OXR1: variants seen among roughly 807,000 people sequenced by gnomAD.
OXR1 encodes oxidation resistance protein 1.
A neutral mutation model predicts 104.6 loss-of-function variants in OXR1; 41 were observed. The ratio of observed to expected loss-of-function variants is 0.39; its 90% confidence interval spans 0.31 to 0.51. The LOEUF (loss-of-function observed/expected upper bound fraction) is 0.51, where lower values mean the gene tolerates loss of function less well. OXR1 is among the 20% of genes least tolerant of loss of function. The pLI, the probability that OXR1 is intolerant of heterozygous loss-of-function variation, is 0.77. For missense variants in OXR1, 955 were observed against 1,031.9 expected, an observed-to-expected ratio of 0.93 and a Z score of 1.02; for synonymous variants, 348 against 348.4, an observed-to-expected ratio of 1.00 and a Z score of 0.01.
intron 3 of OXR1, among the ~76,000 whole-genome samples, chr8:106,627,864 A>G (rs775966687): frequency 7.9e-5 from 12 of 152,168 alleles, no homozygotes; most frequent in Non-Finnish European, 1.8e-4. Flanking sequence ...GATTGAGGGC[A>G]CAGGGGATCC....
At chr8:106,423,977 C>T (rs1233337372) in intron 2 of OXR1, among the ~76,000 whole-genome samples, 1 of 152,094 alleles carries the variant, frequency 6.6e-6, no homozygotes, top group Non-Finnish European at 1.5e-5. Flanking sequence ...CGCTGTGTGG[C>T]CTAGGCTGGA....
chr8:106,486,790 T>A (rs537291075), intron 2 of OXR1, among the ~76,000 whole-genome samples: 1 of 152,176 alleles, frequency 6.6e-6, no homozygotes, highest in East Asian at 1.9e-4. Context: ...AATTTGTGGG[T>A]TTCCAGTATA....
intron 1 of OXR1, among the ~76,000 whole-genome samples, chr8:106,322,821 C>T (rs543089279): frequency 3.1e-4 from 47 of 152,238 alleles, no homozygotes; most frequent in African/African-American, 9.6e-4. Flanking sequence ...AGGAATACAG[C>T]TAACCAGAGA....
chr8:106,670,906 G>A lies in OXR1; in HGVS notation c.221-8304G>A, dbSNP rs768136562. Among the ~76,000 whole-genome samples, 9 of 151,670 alleles carry A rather than the reference G, an allele frequency of 5.9e-5. No homozygotes were observed. The South Asian group carries it at 6.2e-4, about 11-fold the overall frequency. On this transcript the variant is annotated intron_variant, in intron 3 of 16. Transcript: ENST00000517566. Reference sequence around the variant, plus strand: ...TCTACTAAAAATATAAAAATCAGGCGTGGTGGTGCGTGCCTGTAGTCCCAG... The same window carrying A: ...TCTACTAAAAATATAAAAATCAGGCATGGTGGTGCGTGCCTGTAGTCCCAG...
intron 3 of OXR1, among the ~76,000 whole-genome samples, chr8:106,635,369 T>G (rs1016157732): frequency 1.3e-5 from 2 of 152,218 alleles, no homozygotes; most frequent in African/African-American, 4.8e-5. Flanking sequence ...TTGAGTATAT[T>G]ATAGAGCTTT....
intron 1 of OXR1, among the ~76,000 whole-genome samples, chr8:106,341,217 T>A (rs1333158963): frequency 1.3e-5 from 2 of 152,138 alleles, no homozygotes; most frequent in African/African-American, 4.8e-5. Flanking sequence ...ATTTTCCAAA[T>A]AAACGTGCTC....
At chr8:106,343,371 C>A (rs1231763262) in intron 1 of OXR1, among the ~76,000 whole-genome samples, 2 of 152,190 alleles carry the variant, frequency 1.3e-5, no homozygotes, top group African/African-American at 4.8e-5. Flanking sequence ...CTAATGGCAA[C>A]TGAATATTCT....
At chr8:106,331,892 C>T (rs112346779) in intron 1 of OXR1, among the ~76,000 whole-genome samples, 2 of 151,492 alleles carry the variant, frequency 1.3e-5, no homozygotes, top group Admixed American at 6.6e-5. Context: ...GAGACAAGAA[C>T]GCACCACTGC....
chr8:106,459,711 A>G (rs1176344707), intron 2 of OXR1, among the ~76,000 whole-genome samples: 1 of 152,192 alleles, frequency 6.6e-6, no homozygotes, highest in Non-Finnish European at 1.5e-5. Context: ...GACATAGCAT[A>G]TCTGTTGTTC....
intron 1 of OXR1, among the ~76,000 whole-genome samples, chr8:106,277,120 G>A (rs1298417835): frequency 7.9e-5 from 12 of 152,134 alleles, no homozygotes; most frequent in African/African-American, 2.9e-4. Context: ...AATAATGTAT[G>A]TATTCTTATT....
At chr8:106,486,556 AT>A (rs1355321190) in intron 2 of OXR1, among the ~76,000 whole-genome samples, 1 of 152,102 alleles carries the variant, frequency 6.6e-6, no homozygotes, top group Non-Finnish European at 1.5e-5. Flanking sequence ...CGTTTTGTGA[AT>A]TTTTAACAAT....
intron 2 of OXR1, among the ~76,000 whole-genome samples, chr8:106,438,765 T>C (rs1042250346): frequency 6.6e-6 from 1 of 152,116 alleles, no homozygotes; most frequent in Non-Finnish European, 1.5e-5. Context: ...GATACAGACA[T>C]AACATGTTGG....
chr8:106,484,146 A>T (rs1822303832), intron 2 of OXR1, among the ~76,000 whole-genome samples: 1 of 152,136 alleles, frequency 6.6e-6, no homozygotes, highest in Admixed American at 6.6e-5. Flanking sequence ...GATGAGCCAA[A>T]GACTGGGAGA....
intron 3 of OXR1, among the ~76,000 whole-genome samples, chr8:106,629,741 CATAA>C (rs1290583405): frequency 1.3e-5 from 2 of 152,106 alleles, no homozygotes; most frequent in African/African-American, 4.8e-5. Context: ...GAATAAAACA[CATAA>C]ATATTCATTC....
At position 106,415,119 on chromosome 8, in the gene OXR1, G is replaced by A. The variant is rs141494835; in HGVS notation, c.23+55483G>A. Among the ~76,000 whole-genome samples, 61 of 152,100 alleles carry A rather than the reference G, an allele frequency of 4.0e-4. No homozygotes were observed. In the East Asian group the frequency reaches 0.011, roughly 28 times the overall value. On this transcript the variant is annotated intron_variant, in intron 2 of 16. Transcript: ENST00000517566. Reference sequence around the variant, plus strand: ...ACAGGTGACATGTCTTTTTGGAGCCGACTTCACTTATTTGACTCCACAGTG... The same window carrying A: ...ACAGGTGACATGTCTTTTTGGAGCCAACTTCACTTATTTGACTCCACAGTG...
intron 4 of OXR1, among the ~76,000 whole-genome samples, chr8:106,682,230 A>G (rs373182978): frequency 1.4e-5 from 2 of 146,300 alleles, no homozygotes; most frequent in East Asian, 4.1e-4. Context: ...AATGACTTTT[A>G]GTTGCACTTA....
intron 3 of OXR1, among the ~76,000 whole-genome samples, chr8:106,531,227 T>A (rs1244516016): frequency 6.6e-6 from 1 of 152,170 alleles, no homozygotes; most frequent in African/African-American, 2.4e-5. Flanking sequence ...TAGAAAAAAC[T>A]AATATGCGTT....
intron 2 of OXR1, among the ~76,000 whole-genome samples, chr8:106,398,553 G>A: frequency 6.6e-6 from 1 of 152,112 alleles, no homozygotes; most frequent in East Asian, 1.9e-4. Context: ...ATACTGAATA[G>A]GTATAAAACT....
At chr8:106,694,708 A>T (rs1366068317) in intron 7 of OXR1, among the ~76,000 whole-genome samples, 11 of 108,546 alleles carry the variant, frequency 1.0e-4, no homozygotes, top group African/African-American at 4.0e-4. Context: ...TATATATTTA[A>T]TATATAAATA....
Sources: allele counts gnomAD v4.1 joint callset (sites outside exome capture counted in the v4.1 genomes callset), GRCh38; gene constraint gnomAD v4.1.1; transcripts MANE v1.5; gene names NCBI Gene and HGNC (gene_info 2026-07-23, HGNC 2026-07-21).